The following CAMK1D variants were observed in gnomAD, a reference collection of about 807,000 sequenced individuals.
CAMK1D encodes calcium/calmodulin-dependent protein kinase type 1D.
In CAMK1D, 9 loss-of-function variants were observed where a neutral mutation model predicts 47.7. The ratio of observed to expected loss-of-function variants is 0.19; its 90% CI spans 0.11 to 0.33. CAMK1D has a LOEUF of 0.33. Ranked by LOEUF, CAMK1D falls within the 10% of genes least tolerant of loss-of-function variation. CAMK1D has a pLI of 1.00. For synonymous variants in CAMK1D, 184 were observed against 184.9 expected (o/e 0.99, Z 0.04); for missense variants, 291 against 488.7 (o/e 0.60, Z 3.81).
At chr10:12,714,587 C>T (rs1834048984) in intron 3 of CAMK1D, among the ~76,000 whole-genome samples, 1 of 151,980 alleles carries the variant, frequency 6.6e-6, no homozygotes. Context: ...GGCTTGGTGG[C>T]AGGTGCCTGT....
chr10:12,783,337 C>T (rs1372813870), intron 5 of CAMK1D, among the ~76,000 whole-genome samples: 1 of 152,186 alleles, frequency 6.6e-6, no homozygotes, highest in Non-Finnish European at 1.5e-5. Flanking sequence ...CGAGGACTGC[C>T]CCTGTCCCCC....
chr10:12,672,896 C>CTTTTTGTTTTTTTTT (rs1840670138), intron 3 of CAMK1D, among the ~76,000 whole-genome samples: 4 of 76,516 alleles, frequency 5.2e-5, no homozygotes, highest in African/African-American at 2.5e-4. Context: ...ATAGGCTTGC[C>CTTTTTGTTTTTTTTT]TTTTTTTTTT....
At chr10:12,725,024 G>A (rs977296740) in intron 3 of CAMK1D, among the ~76,000 whole-genome samples, 2 of 152,186 alleles carry the variant, frequency 1.3e-5, no homozygotes, top group African/African-American at 4.8e-5. Flanking sequence ...ATGATAACCA[G>A]GCACATCCGT....
chr10:12,373,919 A>T (rs1044858185), intron 1 of CAMK1D, among the ~76,000 whole-genome samples: 3 of 150,212 alleles, frequency 2.0e-5, no homozygotes, highest in African/African-American at 7.4e-5. Flanking sequence ...TACTAAAAAT[A>T]CAAAAATTAG....
chr10:12,661,784 C>G (rs979658655), intron 2 of CAMK1D, among the ~76,000 whole-genome samples: 1 of 152,208 alleles, frequency 6.6e-6, no homozygotes, highest in African/African-American at 2.4e-5. Flanking sequence ...GACTGGAAAG[C>G]TTGACTTCAA....
chr10:12,792,888 G>A (rs561849288), intron 6 of CAMK1D, among the ~76,000 whole-genome samples: 1 of 152,258 alleles, frequency 6.6e-6, no homozygotes, highest in African/African-American at 2.4e-5. Flanking sequence ...CTTTTGAGGT[G>A]TGTTTCACAT....
chr10:12,468,796 A>G (rs1412926900), intron 1 of CAMK1D, among the ~76,000 whole-genome samples: 1 of 152,130 alleles, frequency 6.6e-6, no homozygotes, highest in Non-Finnish European at 1.5e-5. Context: ...CCCCCTTCGG[A>G]ACTAGAATTT....
At chr10:12,621,815 A>ATGTG (rs200674998) in intron 2 of CAMK1D, among the ~76,000 whole-genome samples, 1 of 120,390 alleles carries the variant, frequency 8.3e-6, no homozygotes, top group Non-Finnish European at 2.0e-5. Flanking sequence ...GTGTGTGTGT[A>ATGTG]TGTGTGTGTG....
intron 5 of CAMK1D, among the ~76,000 whole-genome samples, chr10:12,780,944 G>A (rs1227047217): frequency 6.6e-6 from 1 of 152,188 alleles, no homozygotes; most frequent in African/African-American, 2.4e-5. Context: ...CCCCCTAAGT[G>A]GGGAGACTTG....
intron 7 of CAMK1D, 40 bp downstream of exon 7, chr10:12,814,347 C>G (rs11258012): frequency 7.6e-7 from 1 of 1,315,760 alleles, no homozygotes; most frequent in Non-Finnish European, 1.1e-6. Flanking sequence ...GCGGCCCCCG[C>G]GACACTTACA....
At chr10:12,383,416 T>C (rs2131876913) in intron 1 of CAMK1D, among the ~76,000 whole-genome samples, 1 of 152,330 alleles carries the variant, frequency 6.6e-6, no homozygotes. Flanking sequence ...CAGCAGTAAA[T>C]TGAGTGACTT....
intron 1 of CAMK1D, among the ~76,000 whole-genome samples, chr10:12,406,286 C>T (rs1057390958): frequency 6.6e-6 from 1 of 152,128 alleles, no homozygotes; most frequent in Admixed American, 6.6e-5. Context: ...CTCCCTGGTT[C>T]AGGACCGTCA....
At chr10:12,532,335 A>G (rs1341344996) in intron 1 of CAMK1D, among the ~76,000 whole-genome samples, 1 of 149,346 alleles carries the variant, frequency 6.7e-6, no homozygotes, top group African/African-American at 2.5e-5. Flanking sequence ...GCTGGAGTGC[A>G]GTGGCGGGAT....
intron 3 of CAMK1D, among the ~76,000 whole-genome samples, chr10:12,737,952 TAAG>T (rs1226526540): frequency 2.0e-5 from 3 of 152,176 alleles, no homozygotes; most frequent in African/African-American, 7.2e-5. Context: ...AAATGTATAA[TAAG>T]GTAATAAAAT....
intron 6 of CAMK1D, among the ~76,000 whole-genome samples, chr10:12,795,494 G>A (rs992747667): frequency 6.6e-6 from 1 of 152,248 alleles, no homozygotes; most frequent in African/African-American, 2.4e-5. Flanking sequence ...CCACACGGAA[G>A]TCACGGAGCG....
intron 6 of CAMK1D, among the ~76,000 whole-genome samples, chr10:12,800,075 T>G (rs964085258): frequency 1.3e-5 from 2 of 152,204 alleles, no homozygotes; most frequent in African/African-American, 4.8e-5. Context: ...ACCAGTACTT[T>G]GCCGGAGTCA....
At chr10:12,712,343 A>G (rs894136860) in intron 3 of CAMK1D, among the ~76,000 whole-genome samples, 1 of 152,226 alleles carries the variant, frequency 6.6e-6, no homozygotes, top group Non-Finnish European at 1.5e-5. Flanking sequence ...ACACATAACT[A>G]TAATACCAAG....
At chr10:12,780,717 A>G (rs542245490) in intron 5 of CAMK1D, among the ~76,000 whole-genome samples, 1 of 152,328 alleles carries the variant, frequency 6.6e-6, no homozygotes, top group South Asian at 2.1e-4. Flanking sequence ...GTCCATGACT[A>G]TAAGCATTAC....
intron 1 of CAMK1D, among the ~76,000 whole-genome samples, chr10:12,466,165 A>T (rs1458678567): frequency 6.6e-6 from 1 of 151,992 alleles, no homozygotes; most frequent in Non-Finnish European, 1.5e-5. Context: ...AAAAAATTTT[A>T]GGGAGACCAA....
Sources: allele counts gnomAD v4.1 joint callset (sites outside exome capture counted in the v4.1 genomes callset), GRCh38; gene constraint gnomAD v4.1.1; transcripts MANE v1.5; gene names NCBI Gene and HGNC (gene_info 2026-07-23, HGNC 2026-07-21).